Variants in RIGI observed in about 807,000 individuals in gnomAD.
The protein encoded by RIGI is antiviral innate immune response receptor RIG-I.
chr9:32,481,383 C>G, the RIGI span: 19 of 1,613,784 alleles, frequency 1.2e-5, no homozygotes, highest in Non-Finnish European at 8.5e-7. Flanking sequence ...ACAAATCCTG[C>G]TCTCTTCATC....
the RIGI span, among the ~76,000 whole-genome samples, chr9:32,494,605 C>G: frequency 6.6e-6 from 1 of 151,942 alleles, no homozygotes; most frequent in African/African-American, 2.4e-5. Context: ...GTGTTAAATT[C>G]ATTTTGTTAT....
At chr9:32,479,343 C>CT in the RIGI span, among the ~76,000 whole-genome samples, 1 of 151,880 alleles carries the variant, frequency 6.6e-6, no homozygotes, top group Admixed American at 6.6e-5. Flanking sequence ...AAATATTAAC[C>CT]AGCACAGCAC....
the RIGI span, among the ~76,000 whole-genome samples, chr9:32,518,919 AG>A: frequency 6.6e-6 from 1 of 152,232 alleles, no homozygotes; most frequent in Non-Finnish European, 1.5e-5. Flanking sequence ...CATGTTGGCC[AG>A]GCTGGTCTCA....
chr9:32,467,522 T>C, the RIGI span, among the ~76,000 whole-genome samples: 1,825 of 152,298 alleles, frequency 0.012, 36 homozygotes, highest in African/African-American at 0.04. Context: ...GGAATTATTC[T>C]TCCATAAATA....
the RIGI span, chr9:32,488,085 CCT>C: frequency 3.1e-6 from 5 of 1,614,090 alleles, no homozygotes; most frequent in Non-Finnish European, 4.2e-6. Context: ...GGAATCGTTC[CCT>C]TTTTAAGGTT....
the RIGI span, chr9:32,473,084 TA>T: frequency 6.5e-7 from 1 of 1,541,640 alleles, no homozygotes; most frequent in Non-Finnish European, 8.9e-7. Flanking sequence ...GAAAAGCAAT[TA>T]TCAATTGGAC....
chr9:32,510,553 C>A, the RIGI span, among the ~76,000 whole-genome samples: 1 of 152,130 alleles, frequency 6.6e-6, no homozygotes, highest in African/African-American at 2.4e-5. Flanking sequence ...GATTTTGTCA[C>A]CACCAGGCCT....
chr9:32,492,411 T>C, the RIGI span: 1 of 1,614,146 alleles, frequency 6.2e-7, no homozygotes, highest in Non-Finnish European at 8.5e-7. Flanking sequence ...AATCCACAGT[T>C]CACTGAACTT....
At chr9:32,492,546 A>C in the RIGI span, 44 of 1,613,506 alleles carry the variant, frequency 2.7e-5, no homozygotes, top group African/African-American at 4.8e-4. Flanking sequence ...AATCTAAGCA[A>C]GGTAACTGTA....
the RIGI span, among the ~76,000 whole-genome samples, chr9:32,464,768 A>C: frequency 6.6e-6 from 1 of 152,164 alleles, no homozygotes; most frequent in East Asian, 1.9e-4. Context: ...AACACAACTC[A>C]GGCTTCCCAG....
chr9:32,483,201 C>T, the RIGI span, among the ~76,000 whole-genome samples: 13 of 152,258 alleles, frequency 8.5e-5, no homozygotes, highest in African/African-American at 2.9e-4. Flanking sequence ...ACAAAAGTCA[C>T]AAGCAAGAGC....
the RIGI span, among the ~76,000 whole-genome samples, chr9:32,469,160 C>T: frequency 1.3e-5 from 2 of 151,790 alleles, no homozygotes; most frequent in African/African-American, 4.8e-5. Context: ...AGAGCCCCCA[C>T]CCCTACCTAT....
the RIGI span, among the ~76,000 whole-genome samples, chr9:32,524,905 A>G: frequency 6.6e-6 from 1 of 151,732 alleles, no homozygotes; most frequent in Admixed American, 6.6e-5. Flanking sequence ...GATGTGACCA[A>G]CTCAGCATTC....
the RIGI span, among the ~76,000 whole-genome samples, chr9:32,501,217 AAATCTCCCTGC>A: frequency 6.6e-6 from 1 of 151,974 alleles, no homozygotes; most frequent in Admixed American, 6.6e-5. Flanking sequence ...ATGTGTAAAA[AAATCTCCCTGC>A]AAAAAGGGAG....
chr9:32,500,643 A>G, the RIGI span, among the ~76,000 whole-genome samples: 1 of 152,206 alleles, frequency 6.6e-6, no homozygotes. Flanking sequence ...TGTTTCAGGT[A>G]GACAATTATA....
the RIGI span, among the ~76,000 whole-genome samples, chr9:32,517,647 G>T: frequency 2.7e-4 from 41 of 152,280 alleles, no homozygotes; most frequent in East Asian, 7.7e-3. Context: ...TTGGCAGCAG[G>T]TTATAAAGCT....
chr9:32,480,474 C>T, the RIGI span: 6 of 1,004,780 alleles, frequency 6.0e-6, no homozygotes, highest in Non-Finnish European at 8.1e-6. Context: ...CAAATCTATT[C>T]CAACTTAGCT....
At chr9:32,475,496 G>C in the RIGI span, among the ~76,000 whole-genome samples, 2 of 152,028 alleles carry the variant, frequency 1.3e-5, no homozygotes, top group African/African-American at 4.8e-5. Context: ...TCCAGAAACA[G>C]ATCCATGCAA....
At chr9:32,487,012 C>T in the RIGI span, among the ~76,000 whole-genome samples, 143,031 of 152,282 alleles carry the variant, frequency 0.94, 67,192 homozygotes, top group East Asian at 1. Context: ...CAATAAACAA[C>T]TGTTAGTCAT....
Sources: allele counts gnomAD v4.1 joint callset (sites outside exome capture counted in the v4.1 genomes callset), GRCh38; gene constraint gnomAD v4.1.1; transcripts MANE v1.5; gene names NCBI Gene and HGNC (gene_info 2026-07-23, HGNC 2026-07-21).